The following ATRNL1 variants were observed in gnomAD, a reference collection of about 807,000 sequenced individuals.
The protein encoded by ATRNL1 is attractin like 1.
Under a neutral mutation model 182.7 loss-of-function variants are expected in ATRNL1, and 95 were observed. The observed-to-expected ratio is 0.52, with a 90% CI of 0.44 to 0.62. ATRNL1 has a LOEUF of 0.62. Ranked by LOEUF, ATRNL1 falls within the 20% of genes least tolerant of loss-of-function variation. The pLI is 0.00. For synonymous variants in ATRNL1, 576 were observed against 568.3 expected (o/e 1.01, Z -0.19); for missense variants, 1,471 against 1,679.5 (o/e 0.88, Z 2.17).
At chr10:115,540,898 G>A (rs1336111) in intron 25 of ATRNL1, among the ~76,000 whole-genome samples, 106,447 of 151,942 alleles carry the variant, frequency 0.7, 38,387 homozygotes, top group African/African-American at 0.79. Flanking sequence ...TTACCTATGC[G>A]TATGGGAAAG....
chr10:115,545,814 C>A (rs1279287732), intron 25 of ATRNL1, among the ~76,000 whole-genome samples: 1 of 152,118 alleles, frequency 6.6e-6, no homozygotes, highest in Non-Finnish European at 1.5e-5. Flanking sequence ...TTGACAGGAT[C>A]TGGTATCTGG....
chr10:115,444,576 A>G (rs1846864538), intron 21 of ATRNL1, among the ~76,000 whole-genome samples: 2 of 150,654 alleles, frequency 1.3e-5, no homozygotes, highest in African/African-American at 4.9e-5. Context: ...TCTGTCATCT[A>G]TTCACCTTTT....
At chr10:115,511,291 A>G (rs1172583599) in intron 24 of ATRNL1, among the ~76,000 whole-genome samples, 8 of 151,910 alleles carry the variant, frequency 5.3e-5, no homozygotes, top group Admixed American at 1.3e-4. Context: ...ATTTGAATTT[A>G]TTTATATTTT....
intron 28 of ATRNL1, among the ~76,000 whole-genome samples, chr10:115,890,622 A>G (rs1471233432): frequency 6.6e-6 from 1 of 152,126 alleles, no homozygotes; most frequent in Non-Finnish European, 1.5e-5. Flanking sequence ...TACACTTTCT[A>G]TTTCCTTTAA....
chr10:115,658,090 C>CTTTTTTTTTTT, intron 26 of ATRNL1, among the ~76,000 whole-genome samples: 1 of 90,304 alleles, frequency 1.1e-5, no homozygotes, highest in Non-Finnish European at 2.0e-5. Context: ...AATTTTTTTC[C>CTTTTTTTTTTT]TTTTTTTTTT....
At chr10:115,855,814 A>C (rs553598875) in intron 28 of ATRNL1, among the ~76,000 whole-genome samples, 8 of 152,346 alleles carry the variant, frequency 5.3e-5, no homozygotes, top group Admixed American at 4.6e-4. Context: ...TTTAAGTTTC[A>C]ATGAACATGA....
intron 8 of ATRNL1, among the ~76,000 whole-genome samples, chr10:115,186,518 C>A (rs782752344): frequency 2.6e-5 from 4 of 151,996 alleles, no homozygotes; most frequent in Non-Finnish European, 5.9e-5. Context: ...AATGGAGTAC[C>A]ATTCAGCCAT....
chr10:115,854,397 G>T (rs1051522034), intron 28 of ATRNL1, among the ~76,000 whole-genome samples: 2 of 152,108 alleles, frequency 1.3e-5, no homozygotes, highest in Non-Finnish European at 2.9e-5. Flanking sequence ...TTCACTTAGT[G>T]GCGATGGCTA....
chr10:115,362,496 G>A (rs1554944523), intron 19 of ATRNL1, among the ~76,000 whole-genome samples: 2 of 150,738 alleles, frequency 1.3e-5, no homozygotes, highest in African/African-American at 2.5e-5. Context: ...TCTGCTCAGC[G>A]GTTTACAAGT....
At chr10:115,668,004 A>G (rs2133920743) in intron 26 of ATRNL1, among the ~76,000 whole-genome samples, 1 of 152,102 alleles carries the variant, frequency 6.6e-6, no homozygotes, top group South Asian at 2.1e-4. Flanking sequence ...TCATGAATCA[A>G]CTTAGTTTCA....
intron 26 of ATRNL1, among the ~76,000 whole-genome samples, chr10:115,586,506 G>A (rs4434914): frequency 0.7 from 53,595 of 76,754 alleles, 23,729 homozygotes; most frequent in Non-Finnish European, 0.96. Flanking sequence ...CATTCATTTC[G>A]TCTTCCATCA....
At chr10:115,566,533 C>T (rs1293957931) in intron 26 of ATRNL1, among the ~76,000 whole-genome samples, 2 of 152,022 alleles carry the variant, frequency 1.3e-5, no homozygotes, top group Non-Finnish European at 2.9e-5. Flanking sequence ...AATGCAAAAT[C>T]TAATTAAAAT....
At chr10:115,597,340 A>G (rs1856308593) in intron 26 of ATRNL1, among the ~76,000 whole-genome samples, 1 of 152,136 alleles carries the variant, frequency 6.6e-6, no homozygotes. Context: ...TGAAAGGTTG[A>G]GAAATGAAGT....
At chr10:115,536,515 AC>A (rs1269718751) in intron 25 of ATRNL1, among the ~76,000 whole-genome samples, 2 of 151,996 alleles carry the variant, frequency 1.3e-5, no homozygotes, top group African/African-American at 4.8e-5. Context: ...GCCGTCTGTC[AC>A]CCCTTTCTTT....
chr10:115,825,305 T>G (rs1950404423), intron 27 of ATRNL1, among the ~76,000 whole-genome samples: 1 of 151,970 alleles, frequency 6.6e-6, no homozygotes, highest in Non-Finnish European at 1.5e-5. Context: ...AGGGGAGAGA[T>G]AACATTAGGA....
At chr10:115,673,866 C>T (rs2133934414) in intron 26 of ATRNL1, among the ~76,000 whole-genome samples, 1 of 152,140 alleles carries the variant, frequency 6.6e-6, no homozygotes, top group Non-Finnish European at 1.5e-5. Context: ...AGACGTGTAG[C>T]TTCTTCCTTA....
At chr10:115,759,469 A>G (rs1565353967) in intron 27 of ATRNL1, among the ~76,000 whole-genome samples, 1 of 152,058 alleles carries the variant, frequency 6.6e-6, no homozygotes, top group African/African-American at 2.4e-5. Context: ...TCCTACCCAT[A>G]TTGTCAGATG....
At chr10:115,770,313 G>A (rs1247097557) in intron 27 of ATRNL1, among the ~76,000 whole-genome samples, 1 of 151,870 alleles carries the variant, frequency 6.6e-6, no homozygotes, top group Non-Finnish European at 1.5e-5. Context: ...AATAAAAATG[G>A]CATACTAAGC....
At chr10:115,520,869 T>A (rs923300604) in intron 25 of ATRNL1, among the ~76,000 whole-genome samples, 3 of 152,230 alleles carry the variant, frequency 2.0e-5, no homozygotes, top group African/African-American at 7.2e-5. Flanking sequence ...AAAACAATCA[T>A]GTTCATCCAT....
Sources: allele counts gnomAD v4.1 joint callset (sites outside exome capture counted in the v4.1 genomes callset), GRCh38; gene constraint gnomAD v4.1.1; transcripts MANE v1.5; gene names NCBI Gene and HGNC (gene_info 2026-07-23, HGNC 2026-07-21).